GBP7: variants seen among roughly 807,000 people sequenced by gnomAD.
GBP7 encodes the protein guanylate binding protein 7.
In GBP7, 43 loss-of-function variants were observed where a neutral mutation model predicts 61.3. That is an observed-to-expected ratio of 0.70 (90% confidence interval 0.55 to 0.91). GBP7 has a LOEUF of 0.91. Ranked by LOEUF, GBP7 falls within the 40% of genes least tolerant of loss-of-function variation. The pLI is 0.00. For missense variants in GBP7, 717 were observed against 740.5 expected (o/e 0.97, Z 0.37); for synonymous variants, 267 against 271.0 (o/e 0.99, Z 0.14).
At position 89,152,339 on chromosome 1, in the gene GBP7, A is replaced by G. The variant is rs140430191; in HGVS notation, c.554T>C (p.Leu185Pro). Residue 185 changes from leucine (L) to proline (P), a missense_variant, in exon 5 of 11, where the codon CTG (leucine) becomes CCG (proline). By Grantham distance (98) the Leu-to-Pro change is moderately conservative. Coordinates refer to ENST00000294671, the MANE Select transcript of GBP7 (RefSeq NM_207398.3). ...GGGGTGTCCATCTAACTTCAGCTCCAGGGTAAAATCTCGAACAGTCCAAAT... is the reference window on the plus strand; with the variant it reads ...GGGGTGTCCATCTAACTTCAGCTCCGGGGTAAAATCTCGAACAGTCCAAAT... ...DFIWTVRDFT[L>P]ELKLDGHPIT... is the part of the protein sequence containing the mutation. 114 of 1,614,172 alleles carry G rather than the reference A, an allele frequency of 7.1e-5. No individual in the cohort carries two copies. The African/African-American group carries it at 1.4e-3, about 20-fold the overall frequency.
At chr1:89,171,693 G>T in intron 2 of GBP7, 53 bp downstream of exon 2, 1 of 1,504,658 alleles carries the variant, frequency 6.6e-7, no homozygotes, top group Non-Finnish European at 9.2e-7. Context: ...ACTAGATACT[G>T]ACTGTGTAAC....
At chr1:89,139,682 C>T (rs1389746790) in intron 9 of GBP7, among the ~76,000 whole-genome samples, 1 of 152,132 alleles carries the variant, frequency 6.6e-6, no homozygotes, top group African/African-American at 2.4e-5. Context: ...CCAAACAACA[C>T]GTGAAAAAAT....
chr1:89,152,539 A>C, intron 4 of GBP7, 75 bp from the exon 5 acceptor site: 1 of 1,525,078 alleles, frequency 6.6e-7, no homozygotes, highest in Non-Finnish European at 9.0e-7. Flanking sequence ...AGTTTTATAC[A>C]CATTCCCTTT....
chr1:89,175,336 C>A (rs1293973227), intron 1 of GBP7, among the ~76,000 whole-genome samples: 2 of 152,116 alleles, frequency 1.3e-5, no homozygotes, highest in South Asian at 2.1e-4. Flanking sequence ...CCTCTTATAG[C>A]AATGGCCTAC....
rs1184824136 is a variant in GBP7 at position 89,132,216 on chromosome 1, A to G, written c.1850T>C (p.Leu617Ser). 1 of 1,613,392 alleles carries G rather than the reference A, an allele frequency of 6.2e-7. No individual in the cohort carries two copies. The highest frequency in any genetic ancestry group is 1.1e-5 in the South Asian group (1 of 91,018). ...TAATGAGCTAAGAATTTTCATTCCT[A>G]AATCAACTAGCTTAGCAGCCCCAGG... ...ALPGAAKLVD[L>S]GMKILSSLCN... is the part of the protein sequence containing the mutation. The change falls in exon 11 of 11, where the codon TTA (leucine) becomes TCA (serine). Residue 617 changes from leucine to serine, a missense_variant. By Grantham distance (145) the Leu-to-Ser change is moderately radical. Around this residue, in one of 3 missense-constraint regions of GBP7, gnomAD observed 312 missense variants for 310.1 expected, o/e 1.01. Transcript: ENST00000294671.
chr1:89,171,189 A>G (rs894996049), intron 2 of GBP7, among the ~76,000 whole-genome samples: 15 of 152,154 alleles, frequency 9.9e-5, no homozygotes, highest in African/African-American at 3.6e-4. Flanking sequence ...TAGTCAAATC[A>G]CTCATTTCCT....
At chr1:89,142,719 T>G (rs1326962851) in intron 8 of GBP7, among the ~76,000 whole-genome samples, 1 of 152,162 alleles carries the variant, frequency 6.6e-6, no homozygotes, top group Non-Finnish European at 1.5e-5. Flanking sequence ...GAAATTTGGG[T>G]GTGTGGGGCA....
At chr1:89,146,202 A>C (rs571398967) in intron 8 of GBP7, among the ~76,000 whole-genome samples, 78 of 152,214 alleles carry the variant, frequency 5.1e-4, no homozygotes, top group Non-Finnish European at 4.4e-4. Context: ...ACACCATGAG[A>C]AAAAGATAGT....
chr1:89,151,243 T>C (rs1682189585), intron 5 of GBP7, among the ~76,000 whole-genome samples: 2 of 152,194 alleles, frequency 1.3e-5, no homozygotes, highest in Non-Finnish European at 2.9e-5. Context: ...ACTGTTCTAC[T>C]CTCTGTTTCT....
rs1299541835 is a variant in GBP7, at chr1:89,141,526, G to A, written c.1468+20C>T. The A allele has an allele frequency of 3.7e-6, 6 of 1,607,522 alleles. No homozygotes were observed. The highest frequency in any genetic ancestry group is 4.3e-6 in the Non-Finnish European group (5 of 1,174,772). On this transcript the variant is annotated intron_variant, in intron 9 of 10. Coordinates refer to ENST00000294671, the MANE Select transcript of GBP7 (RefSeq NM_207398.3). ...CAAGAACCTACCCATTTGCCTGAGAGCTGAGCCCTGCCCCTGTACCTGCTA... is the reference window on the plus strand; with the variant it reads ...CAAGAACCTACCCATTTGCCTGAGAACTGAGCCCTGCCCCTGTACCTGCTA...
At chr1:89,140,452 A>G (rs560519035) in intron 9 of GBP7, among the ~76,000 whole-genome samples, 1 of 86,372 alleles carries the variant, frequency 1.2e-5, no homozygotes, top group Non-Finnish European at 2.4e-5. Context: ...ATAATAATAA[A>G]AAAAACTGAA....
intron 3 of GBP7, among the ~76,000 whole-genome samples, chr1:89,158,951 A>G (rs2100653798): frequency 6.6e-6 from 1 of 152,306 alleles, no homozygotes; most frequent in African/African-American, 2.4e-5. Flanking sequence ...ACACTACCCG[A>G]TTTCAAACTA....
chr1:89,162,197 C>A (rs913322810), intron 3 of GBP7, among the ~76,000 whole-genome samples: 2 of 151,954 alleles, frequency 1.3e-5, no homozygotes, highest in Non-Finnish European at 2.9e-5. Context: ...AGTTTGATGT[C>A]GAGTAGCATC....
At chr1:89,169,515 T>A (rs1369144840) in intron 2 of GBP7, among the ~76,000 whole-genome samples, 1 of 152,246 alleles carries the variant, frequency 6.6e-6, no homozygotes, top group African/African-American at 2.4e-5. Flanking sequence ...GTCATTAGAT[T>A]GCAGCCCTAT....
At chr1:89,146,944 C>T (rs574288770) in intron 8 of GBP7, among the ~76,000 whole-genome samples, 2 of 152,308 alleles carry the variant, frequency 1.3e-5, no homozygotes, top group African/African-American at 4.8e-5. Context: ...GTACATAGAT[C>T]AGCCCATCAG....
Position 89,131,963 on chromosome 1 carries a change from T to A in GBP7, c.*186A>T. The A allele has an allele frequency of 2.2e-6, 1 of 462,184 alleles. No individual in the cohort carries two copies. 28.6% of individuals were successfully genotyped at this position (462,184 alleles called of 1,614,324 possible). On this transcript the variant is annotated 3_prime_UTR_variant, in exon 11 of 11. Transcript: ENST00000294671. ...ATCTTTTCTAGGAATAATTTTATCT[T>A]CTAACTTGTTCCCCATTTCTATTAA...
chr1:89,147,877 G>T, intron 7 of GBP7, 98 bp from the exon 8 acceptor site: 1 of 1,249,908 alleles, frequency 8.0e-7, no homozygotes. Flanking sequence ...TGGCCTCAGA[G>T]CAGGCTGAGT....
intron 3 of GBP7, among the ~76,000 whole-genome samples, chr1:89,162,650 G>A (rs1647309510): frequency 6.6e-6 from 1 of 152,224 alleles, no homozygotes; most frequent in Admixed American, 6.5e-5. Flanking sequence ...ATCAGCTTAA[G>A]AAGCTTTTGG....
intron 3 of GBP7, 81 bp downstream of exon 3, chr1:89,164,650 G>A: frequency 1.5e-6 from 2 of 1,363,530 alleles, no homozygotes; most frequent in Non-Finnish European, 2.1e-6. Context: ...GAATAGGCCA[G>A]AGAAGTTGGA....
Sources: allele counts gnomAD v4.1 joint callset (sites outside exome capture counted in the v4.1 genomes callset), GRCh38; gene constraint gnomAD v4.1.1; regional missense constraint gnomAD v4.1.1; transcripts MANE v1.5; gene names NCBI Gene and HGNC (gene_info 2026-07-23, HGNC 2026-07-21).